The following RTL4 variants were observed in gnomAD, a reference collection of about 807,000 sequenced individuals.
The protein encoded by RTL4 is retrotransposon Gag-like protein 4.
RTL4 carries 4 observed loss-of-function variants against 5.3 expected under a neutral mutation model. The observed-to-expected ratio is 0.75, with a 90% CI of 0.37 to 1.72. RTL4 has a LOEUF of 1.72. Among genes scored for constraint, RTL4 ranks in the 40% most tolerant of loss-of-function variants. RTL4 has a pLI of 0.04. For missense variants in RTL4, 260 were observed against 227.1 expected (o/e 1.14, Z -0.93); for synonymous variants, 98 against 87.3 (o/e 1.12, Z -0.68).
chrX:112,245,203 G>C, the RTL4 span, among the ~76,000 whole-genome samples: 1 of 110,889 alleles, frequency 9.0e-6, no homozygotes. Flanking sequence ...GAGTATCTTG[G>C]TGGTGTTCTC....
the RTL4 span, among the ~76,000 whole-genome samples, chrX:112,311,625 T>C: frequency 9.0e-6 from 1 of 111,256 alleles, no homozygotes; most frequent in African/African-American, 3.3e-5. Context: ...AGCACATTTC[T>C]TCCTTTACAC....
the RTL4 span, among the ~76,000 whole-genome samples, chrX:112,111,912 G>A: frequency 8.9e-6 from 1 of 111,923 alleles, no homozygotes; most frequent in African/African-American, 3.3e-5. Context: ...TAGCAGGGTT[G>A]AGGGCCGCAC....
At chrX:112,408,882 T>G in the RTL4 span, among the ~76,000 whole-genome samples, 23 of 112,298 alleles carry the variant, frequency 2.0e-4, 2 homozygotes, top group Admixed American at 1.7e-3. Flanking sequence ...ATAGTTAAAG[T>G]GCTGAAGGAA....
the RTL4 span, among the ~76,000 whole-genome samples, chrX:112,439,119 T>C: frequency 9.0e-6 from 1 of 111,679 alleles, no homozygotes; most frequent in Admixed American, 9.6e-5. Flanking sequence ...ACTCCACCAG[T>C]TCTTGAGCCA....
chrX:112,418,217 G>A, the RTL4 span, among the ~76,000 whole-genome samples: 9 of 111,814 alleles, frequency 8.0e-5, no homozygotes, highest in South Asian at 3.8e-4. Context: ...TGAATGTACC[G>A]AAAACATTGA....
chrX:112,312,690 G>T, the RTL4 span, among the ~76,000 whole-genome samples: 1 of 111,135 alleles, frequency 9.0e-6, no homozygotes, highest in Non-Finnish European at 1.9e-5. Flanking sequence ...TCTCTCTAAA[G>T]TGCCAAAGAC....
the RTL4 span, among the ~76,000 whole-genome samples, chrX:112,393,627 G>A: frequency 8.9e-6 from 1 of 111,812 alleles, no homozygotes; most frequent in Non-Finnish European, 1.9e-5. Context: ...CTGGGGAATC[G>A]CTTCAGCCCT....
At chrX:112,276,833 T>TAA in the RTL4 span, among the ~76,000 whole-genome samples, 2 of 111,970 alleles carry the variant, frequency 1.8e-5, no homozygotes, top group African/African-American at 6.5e-5. Flanking sequence ...CAGATAATAG[T>TAA]AAAAAAAATT....
chrX:112,246,614 TAC>T, the RTL4 span, among the ~76,000 whole-genome samples: 2 of 111,606 alleles, frequency 1.8e-5, no homozygotes. Flanking sequence ...ATTTTCCAGG[TAC>T]AGTCTTTCAC....
the RTL4 span, among the ~76,000 whole-genome samples, chrX:112,230,678 A>G: frequency 3.6e-5 from 4 of 112,253 alleles, no homozygotes; most frequent in Non-Finnish European, 7.5e-5. Context: ...CAAGGACTTC[A>G]TGTCTAAAAC....
the RTL4 span, among the ~76,000 whole-genome samples, chrX:112,358,562 A>T: frequency 9.0e-6 from 1 of 111,711 alleles, no homozygotes; most frequent in East Asian, 2.8e-4. Flanking sequence ...ACAAAGCTTG[A>T]TACAACAAGT....
chrX:112,245,556 A>G, the RTL4 span, among the ~76,000 whole-genome samples: 1 of 111,581 alleles, frequency 9.0e-6, no homozygotes, highest in Non-Finnish European at 1.9e-5. Context: ...CAGGTCATTT[A>G]AGGTCTTCTC....
the RTL4 span, among the ~76,000 whole-genome samples, chrX:112,148,116 G>A: frequency 9.0e-6 from 1 of 110,959 alleles, no homozygotes; most frequent in African/African-American, 3.3e-5. Flanking sequence ...GAAGGTGCTT[G>A]TAAGAATGGG....
the RTL4 span, among the ~76,000 whole-genome samples, chrX:112,139,916 C>G: frequency 9.0e-6 from 1 of 111,590 alleles, no homozygotes; most frequent in African/African-American, 3.3e-5. Flanking sequence ...GCATCCTTCT[C>G]CTTTTTCTCT....
chrX:112,218,272 G>A, the RTL4 span, among the ~76,000 whole-genome samples: 1 of 111,578 alleles, frequency 9.0e-6, no homozygotes, highest in South Asian at 3.8e-4. Flanking sequence ...TGGCTGAAGT[G>A]AACTAAACTC....
the RTL4 span, among the ~76,000 whole-genome samples, chrX:112,331,052 C>G: frequency 9.7e-6 from 1 of 103,480 alleles, no homozygotes; most frequent in Non-Finnish European, 2.0e-5. Context: ...ACCATAAAAA[C>G]CCTAGAAGAA....
At chrX:112,404,461 C>T in the RTL4 span, among the ~76,000 whole-genome samples, 1 of 111,565 alleles carries the variant, frequency 9.0e-6, no homozygotes, top group Admixed American at 9.5e-5. Context: ...TATATTTATC[C>T]CAGAGTCTCC....
chrX:112,227,617 C>T, the RTL4 span, among the ~76,000 whole-genome samples: 1 of 111,610 alleles, frequency 9.0e-6, no homozygotes, highest in Non-Finnish European at 1.9e-5. Flanking sequence ...AAGGCATTAT[C>T]GAAGGTTCCT....
At chrX:112,321,205 G>A in the RTL4 span, among the ~76,000 whole-genome samples, 1 of 111,832 alleles carries the variant, frequency 8.9e-6, no homozygotes, top group Non-Finnish European at 1.9e-5. Flanking sequence ...TGACTATTCT[G>A]AGGTTCCTCC....
Sources: gnomAD v4.1 joint callset for allele counts (sites outside exome capture counted in the v4.1 genomes callset) on GRCh38, gnomAD v4.1.1 for gene constraint, MANE v1.5 for transcripts, NCBI Gene and HGNC (gene_info 2026-07-23, HGNC 2026-07-21) for gene names.